Variants in HCN1 observed in about 807,000 individuals in gnomAD.
HCN1 encodes hyperpolarization activated cyclic nucleotide gated potassium channel 1.
HCN1 carries 13 observed loss-of-function variants against 78.9 expected under a neutral mutation model. The observed-to-expected ratio is 0.16, with a 90% CI of 0.11 to 0.26. HCN1 has a LOEUF of 0.26. Among genes scored for constraint, HCN1 ranks in the 10% least tolerant of loss-of-function variants. The pLI, the probability that HCN1 is intolerant of heterozygous loss-of-function variation, is 1.00. For synonymous variants in HCN1, 552 were observed against 455.5 expected, an observed-to-expected ratio of 1.21 and a Z score of -2.70; for missense variants, 810 against 1,154.3, an observed-to-expected ratio of 0.70 and a Z score of 4.32.
chr5:45,500,347 T>C (rs1049911176), intron 2 of HCN1, among the ~76,000 whole-genome samples: 6 of 152,128 alleles, frequency 3.9e-5, no homozygotes, highest in Admixed American at 3.9e-4. Flanking sequence ...ATGAATTCAT[T>C]TGGAATAATT....
intron 2 of HCN1, among the ~76,000 whole-genome samples, chr5:45,491,099 T>A (rs1047146983): frequency 2.6e-4 from 39 of 152,166 alleles, no homozygotes; most frequent in African/African-American, 9.4e-4. Flanking sequence ...CCTCCATTTA[T>A]CTAAACCATC....
At chr5:45,693,959 T>C (rs572728211) in intron 1 of HCN1, among the ~76,000 whole-genome samples, 6 of 152,310 alleles carry the variant, frequency 3.9e-5, no homozygotes, top group African/African-American at 1.4e-4. Flanking sequence ...ATGTAAGTTA[T>C]TTTCATTTAA....
At chr5:45,641,201 T>A (rs940500373) in intron 2 of HCN1, among the ~76,000 whole-genome samples, 12 of 152,204 alleles carry the variant, frequency 7.9e-5, no homozygotes, top group Non-Finnish European at 1.3e-4. Flanking sequence ...TATTGTATAA[T>A]TATAGATAGG....
intron 6 of HCN1, among the ~76,000 whole-genome samples, chr5:45,298,519 T>C (rs1196493637): frequency 2.0e-5 from 3 of 151,964 alleles, no homozygotes; most frequent in African/African-American, 4.8e-5. Flanking sequence ...GAGGGGCTAA[T>C]TGGAAGAGAT....
intron 2 of HCN1, among the ~76,000 whole-genome samples, chr5:45,478,639 T>C (rs991411724): frequency 6.6e-6 from 1 of 152,180 alleles, no homozygotes; most frequent in African/African-American, 2.4e-5. Context: ...GTGATGCATG[T>C]CTGGCATATT....
At chr5:45,490,422 A>C (rs948219332) in intron 2 of HCN1, among the ~76,000 whole-genome samples, 2 of 151,970 alleles carry the variant, frequency 1.3e-5, no homozygotes, top group African/African-American at 4.8e-5. Context: ...GGTATTATTT[A>C]TTTTCTCCAG....
intron 2 of HCN1, among the ~76,000 whole-genome samples, chr5:45,488,188 C>A (rs1354851012): frequency 6.6e-6 from 1 of 151,214 alleles, no homozygotes; most frequent in South Asian, 2.1e-4. Flanking sequence ...ACCCCAACGA[C>A]CTGTCCCTAC....
rs1057048853 is a variant in HCN1 at position 45,545,771 on chromosome 5, C to T, written c.850-83764G>A. 2.0e-5 allele frequency among the ~76,000 whole-genome samples: 3 copies of T among 151,874 alleles called. No homozygotes were observed. In the East Asian group the frequency reaches 5.8e-4, roughly 29 times the overall value. ...TCAGAGGTACCTTCTGAATTTTTAA[C>T]TCTTCACAATATGTGGGACACTGTT... On this transcript the variant is annotated intron_variant, in intron 2 of 7. Transcript: ENST00000303230.
intron 5 of HCN1, among the ~76,000 whole-genome samples, chr5:45,323,409 C>A (rs563697956): frequency 5.9e-5 from 9 of 151,860 alleles, no homozygotes; most frequent in Non-Finnish European, 1.3e-4. Flanking sequence ...TACATCTTCA[C>A]TGGACAGTAA....
chr5:45,656,969 A>G (rs1745773535), intron 1 of HCN1, among the ~76,000 whole-genome samples: 1 of 151,976 alleles, frequency 6.6e-6, no homozygotes, highest in African/African-American at 2.4e-5. Flanking sequence ...ATGTTATTTG[A>G]TATTATACTG....
At position 45,343,879 on chromosome 5, in the gene HCN1, T is replaced by A. The variant is rs1262244779; in HGVS notation, c.1377+9221A>T. On this transcript the variant is annotated intron_variant, in intron 5 of 7. Transcript: ENST00000303230. ...ATTAAAAATAAAAAAAATATATATA[T>A]TGGGAGAGATTCAGGAACTGTGTTT... 2.6e-5 allele frequency among the ~76,000 whole-genome samples: 4 copies of A among 151,814 alleles called. No homozygotes were observed. The South Asian group carries it at 6.2e-4, about 24-fold the overall frequency.
rs111620999 is a variant in HCN1 at position 45,595,835 on chromosome 5, CT to C, written c.849+49349del. Among the ~76,000 whole-genome samples the C allele has an allele frequency of 6.1e-4, 88 of 145,284 alleles. 1 individual carries two copies. The highest frequency in any genetic ancestry group is 1.0e-3 in the East Asian group (5 of 5,004). On this transcript the variant is annotated intron_variant, in intron 2 of 7. Coordinates refer to ENST00000303230, the MANE Select transcript of HCN1 (RefSeq NM_021072.4). Reference sequence around the variant, plus strand: ...TGAATTATGATGGTTCAACATATGACTTTTTTTTTTTACTTTATAACGAGTT... The same window carrying C: ...TGAATTATGATGGTTCAACATATGACTTTTTTTTTTACTTTATAACGAGTT...
intron 5 of HCN1, among the ~76,000 whole-genome samples, chr5:45,326,863 C>T (rs541728042): frequency 4.0e-5 from 6 of 151,548 alleles, no homozygotes; most frequent in East Asian, 3.9e-4. Flanking sequence ...CACTGCTTTG[C>T]CTTACTAGAA....
intron 5 of HCN1, among the ~76,000 whole-genome samples, chr5:45,318,997 G>A (rs1232608785): frequency 1.3e-5 from 2 of 151,914 alleles, no homozygotes; most frequent in Non-Finnish European, 2.9e-5. Context: ...CTGTTAATGT[G>A]ATTGCTAAGT....
intron 1 of HCN1, among the ~76,000 whole-genome samples, chr5:45,691,137 T>TGA (rs1275587023): frequency 6.6e-6 from 1 of 152,112 alleles, no homozygotes. Context: ...TTGAATATAA[T>TGA]TTTCTTAAAT....
At chr5:45,614,436 G>T (rs934495676) in intron 2 of HCN1, among the ~76,000 whole-genome samples, 8 of 152,070 alleles carry the variant, frequency 5.3e-5, no homozygotes, top group African/African-American at 1.7e-4. Flanking sequence ...TTGTAATGCT[G>T]GTGGCAGGTC....
intron 2 of HCN1, chr5:45,642,905 T>G (rs764276212): frequency 1.1e-4 from 17 of 152,122 alleles, no homozygotes; most frequent in Non-Finnish European, 1.8e-4. Flanking sequence ...TAAATACCCA[T>G]GATATATGAT....
chr5:45,375,718 T>C (rs1289631246), intron 4 of HCN1, among the ~76,000 whole-genome samples: 1 of 111,236 alleles, frequency 9.0e-6, no homozygotes, highest in Non-Finnish European at 1.7e-5. Flanking sequence ...ATATTATATA[T>C]AATATCATAT....
intron 6 of HCN1, among the ~76,000 whole-genome samples, chr5:45,287,419 T>C (rs1462734697): frequency 6.6e-6 from 1 of 152,070 alleles, no homozygotes; most frequent in African/African-American, 2.4e-5. Flanking sequence ...TTCTAAAGCA[T>C]ATGAGAAACA....
Sources: allele counts gnomAD v4.1 joint callset (sites outside exome capture counted in the v4.1 genomes callset), GRCh38; gene constraint gnomAD v4.1.1; transcripts MANE v1.5; gene names NCBI Gene and HGNC (gene_info 2026-07-23, HGNC 2026-07-21).